The following RUNX1T1 variants were observed in gnomAD, a reference collection of about 807,000 sequenced individuals.
The protein encoded by RUNX1T1 is RUNX1 partner transcriptional co-repressor 1, also known as protein CBFA2T1.
RUNX1T1 carries 4 observed loss-of-function variants against 62.8 expected under a neutral mutation model. That is an observed-to-expected ratio of 0.06 (90% CI 0.03 to 0.15). The LOEUF (loss-of-function observed/expected upper bound fraction) is 0.15. Among genes scored for constraint, RUNX1T1 ranks in the 10% least tolerant of loss-of-function variants. The pLI is 1.00. For synonymous variants in RUNX1T1, 291 were observed against 286.0 expected (o/e 1.02, Z -0.18); for missense variants, 508 against 754.3 (o/e 0.67, Z 3.82).
At chr8:91,980,034 T>C in intron 8 of RUNX1T1, 1 of 281,428 alleles carries the variant, frequency 3.6e-6, no homozygotes, top group South Asian at 3.6e-5. Context: ...ATGCCACTTG[T>C]TTTTAAGGAT....
chr8:92,054,168 G>T (rs1182666420), intron 1 of RUNX1T1, among the ~76,000 whole-genome samples: 4 of 150,992 alleles, frequency 2.6e-5, no homozygotes, highest in Non-Finnish European at 5.9e-5. Flanking sequence ...TCTCACTTAA[G>T]CATGTGTTTT....
At chr8:92,022,191 C>A (rs1420323721) in intron 1 of RUNX1T1, among the ~76,000 whole-genome samples, 1 of 152,022 alleles carries the variant, frequency 6.6e-6, no homozygotes, top group East Asian at 1.9e-4. Flanking sequence ...AGTTACATTT[C>A]TAACTATTAG....
intron 9 of RUNX1T1, 31 bp downstream of exon 10, chr8:91,975,874 C>T (rs199960653): frequency 9.4e-6 from 14 of 1,493,316 alleles, no homozygotes; most frequent in South Asian, 5.6e-5. Context: ...GCTGCCAGAA[C>T]ACGAAACTCA....
chr8:92,031,798 C>T (rs888824381), intron 1 of RUNX1T1, among the ~76,000 whole-genome samples: 17 of 151,876 alleles, frequency 1.1e-4, no homozygotes, highest in Non-Finnish European at 1.9e-4. Context: ...ATGACAAGGC[C>T]GGGCGTTTAT....
intron 10 of RUNX1T1, among the ~76,000 whole-genome samples, chr8:91,964,127 T>C (rs921928523): frequency 2.0e-5 from 3 of 152,202 alleles, no homozygotes; most frequent in South Asian, 4.1e-4. Context: ...CAAGGCTATA[T>C]ACAGAATCAA....
chr8:91,977,107 C>T (rs143639147), intron 8 of RUNX1T1: 13 of 194,670 alleles, frequency 6.7e-5, no homozygotes, highest in African/African-American at 2.1e-4. Context: ...TATGTTGTTA[C>T]ATTTGAATGC....
chr8:92,032,046 T>C (rs1161909544), intron 1 of RUNX1T1, among the ~76,000 whole-genome samples: 1 of 141,672 alleles, frequency 7.1e-6, no homozygotes, highest in East Asian at 2.0e-4. Context: ...TGAGCCAAGA[T>C]TGCACCACTG....
chr8:91,975,785 T>C lies in RUNX1T1; in HGVS notation c.1267+120A>G, dbSNP rs1346335781. 3 of 661,106 alleles carry C rather than the reference T, an allele frequency of 4.5e-6. No homozygotes were observed. The African/African-American group carries it at 5.4e-5, about 12-fold the overall frequency. 41.0% of individuals were successfully genotyped at this position (661,106 alleles called of 1,614,324 possible). On this transcript the variant is annotated intron_variant, in intron 9 of 10. Coordinates refer to ENST00000396218, the Ensembl canonical transcript of RUNX1T1. ...GTTTAGTGGTTTTTTTTGTTTTGTT[T>C]TGTTTTTGCTGTTGTTGTTGTTAGC...
At chr8:92,015,168 G>A (rs1216390114) in intron 2 of RUNX1T1, among the ~76,000 whole-genome samples, 1 of 152,146 alleles carries the variant, frequency 6.6e-6, no homozygotes, top group East Asian at 1.9e-4. Context: ...TTTGTCGCAG[G>A]CTTACATCAA....
At chr8:92,067,647 C>G (rs1173216666), upstream of RUNX1T1, among the ~76,000 whole-genome samples, 1 of 152,050 alleles carries the variant, frequency 6.6e-6, no homozygotes, top group Non-Finnish European at 1.5e-5. Flanking sequence ...TGACTTTTAA[C>G]TCTGGTTGAA....
At chr8:92,102,246 G>A (rs192969057), upstream of RUNX1T1, among the ~76,000 whole-genome samples, 14 of 152,184 alleles carry the variant, frequency 9.2e-5, no homozygotes, top group Admixed American at 7.8e-4. The surrounding 1 kb of genome is among the most constrained non-coding windows in gnomAD (Gnocchi z 4.5). Flanking sequence ...CACCCCAAAC[G>A]GCCAGGAGTA....
chr8:92,078,271 A>G (rs1266742196), intron 1 of RUNX1T1, among the ~76,000 whole-genome samples: 1 of 152,084 alleles, frequency 6.6e-6, no homozygotes, highest in African/African-American at 2.4e-5. Flanking sequence ...TGTGCTTCAT[A>G]TCTCCAACAC....
At chr8:92,042,185 G>C (rs1432642361) in intron 1 of RUNX1T1, among the ~76,000 whole-genome samples, 2 of 152,188 alleles carry the variant, frequency 1.3e-5, no homozygotes, top group African/African-American at 4.8e-5. Flanking sequence ...TGAAGGTAAA[G>C]TGCCTGCTGC....
intron 1 of RUNX1T1, among the ~76,000 whole-genome samples, chr8:92,045,889 G>C (rs532081041): frequency 6.6e-6 from 1 of 152,290 alleles, no homozygotes; most frequent in East Asian, 1.9e-4. Flanking sequence ...GTTATACTTT[G>C]AGAGGATACC....
At chr8:92,066,814 A>G (rs1401734080), upstream of RUNX1T1, among the ~76,000 whole-genome samples, 1 of 152,252 alleles carries the variant, frequency 6.6e-6, no homozygotes, top group East Asian at 1.9e-4. Flanking sequence ...ACAAGAAATA[A>G]GTGGGATAGA....
chr8:92,096,082 G>A (rs1837723984), intron 1 of RUNX1T1, among the ~76,000 whole-genome samples: 1 of 152,114 alleles, frequency 6.6e-6, no homozygotes, highest in African/African-American at 2.4e-5. Flanking sequence ...CTAAATTCCA[G>A]CCCCTGCACA....
chr8:91,960,584 A>AATT, intron 10 of RUNX1T1, 67 bp from the exon 12 acceptor site: 1 of 1,513,806 alleles, frequency 6.6e-7, no homozygotes, highest in Non-Finnish European at 9.1e-7. Context: ...AGTCTGACAA[A>AATT]TATGTTAGGC....
At chr8:92,045,633 T>A (rs1217155238) in intron 1 of RUNX1T1, among the ~76,000 whole-genome samples, 1 of 152,144 alleles carries the variant, frequency 6.6e-6, no homozygotes, top group Non-Finnish European at 1.5e-5. Context: ...AATCCTCTCA[T>A]GTTGATTTGG....
upstream of RUNX1T1, among the ~76,000 whole-genome samples, chr8:92,102,493 T>A (rs533518557): frequency 1.6e-4 from 24 of 151,594 alleles, no homozygotes; most frequent in African/African-American, 5.3e-4. This position sits in a 1 kb window ranked among gnomAD's most constrained non-coding sequence, Gnocchi z 4.5. Context: ...CCAAATGCAC[T>A]GTGGGCACCT....
Sources: allele counts gnomAD v4.1 joint callset (sites outside exome capture counted in the v4.1 genomes callset), GRCh38; gene constraint gnomAD v4.1.1; non-coding constraint Gnocchi (gnomAD v3.1); transcripts MANE v1.5; gene names NCBI Gene and HGNC (gene_info 2026-07-23, HGNC 2026-07-21).